TDRD9: variants seen among roughly 807,000 people sequenced by gnomAD.
TDRD9 encodes the protein tudor domain containing 9, also known as ATP-dependent RNA helicase TDRD9.
A neutral mutation model predicts 172.6 loss-of-function variants in TDRD9; 124 were observed. That is an observed-to-expected ratio of 0.72 (90% confidence interval 0.62 to 0.83). The LOEUF is 0.83. Among genes scored for constraint, TDRD9 ranks in the 40% least tolerant of loss-of-function variants. The pLI, the probability that TDRD9 is intolerant of heterozygous loss-of-function variation, is 0.00. For synonymous variants in TDRD9, 619 were observed against 617.1 expected (o/e 1.00, Z -0.05); for missense variants, 1,479 against 1,714.1 (o/e 0.86, Z 2.42).
intron 1 of TDRD9, among the ~76,000 whole-genome samples, chr14:103,929,809 T>G (rs1486604797): frequency 6.6e-6 from 1 of 152,120 alleles, no homozygotes; most frequent in Non-Finnish European, 1.5e-5. Flanking sequence ...CGTGAGCCAC[T>G]GCGCCCGGCC....
At chr14:103,959,154 C>G (rs1204211431) in intron 2 of TDRD9, among the ~76,000 whole-genome samples, 2 of 152,110 alleles carry the variant, frequency 1.3e-5, no homozygotes, top group Admixed American at 6.6e-5. Flanking sequence ...GTGTCTTTGA[C>G]AGAGGATGGC....
chr14:104,023,164 G>A (rs983198453), intron 24 of TDRD9, among the ~76,000 whole-genome samples: 1 of 124,024 alleles, frequency 8.1e-6, no homozygotes, highest in Non-Finnish European at 1.6e-5. Context: ...CACCCTGGGC[G>A]ACAGAGCGAG....
chr14:103,995,420 C>G (rs1420557936), intron 11 of TDRD9, among the ~76,000 whole-genome samples: 1 of 152,194 alleles, frequency 6.6e-6, no homozygotes, highest in Non-Finnish European at 1.5e-5. Flanking sequence ...AACCCTTCTT[C>G]TAGAAACCTG....
chr14:103,966,882 A>G, intron 5 of TDRD9, 51 bp downstream of exon 5: 7 of 1,492,746 alleles, frequency 4.7e-6, no homozygotes, highest in Non-Finnish European at 6.3e-6. Flanking sequence ...TCTTAAAAAA[A>G]CTCTCAGAGT....
At chr14:103,988,817 T>C (rs2033769158) in intron 8 of TDRD9, among the ~76,000 whole-genome samples, 1 of 152,010 alleles carries the variant, frequency 6.6e-6, no homozygotes, top group Non-Finnish European at 1.5e-5. Flanking sequence ...CTCAGCCTTG[T>C]GAGTAGCTGG....
chr14:103,965,383 G>T lies in TDRD9; in HGVS notation c.471G>T (p.Thr157=), dbSNP rs920010348. 6 of 1,551,524 alleles carry T rather than the reference G, an allele frequency of 3.9e-6. No individual in the cohort carries two copies. In the African/African-American group the frequency reaches 8.2e-5, roughly 21 times the overall value. The change falls in exon 4 of 36, where the codon ACG becomes ACT. Residue 157 remains threonine (T), a synonymous_variant. Transcript: ENST00000409874. ...SNSVVIIHGA[T]GSGKSTQLPQ... is the part of the protein sequence containing the mutation. ...CCGTGGTGATTATCCATGGGGCCAC[G>T]GGAAGCGGTAAAAGCACTCAGCTCC...
At chr14:104,025,145 G>C (rs1351847249) in intron 25 of TDRD9, among the ~76,000 whole-genome samples, 1 of 152,206 alleles carries the variant, frequency 6.6e-6, no homozygotes, top group Non-Finnish European at 1.5e-5. Context: ...CCATGCCCGG[G>C]TAATTTTTGT....
At chr14:103,971,849 C>T (rs2033046902) in intron 6 of TDRD9, among the ~76,000 whole-genome samples, 1 of 152,042 alleles carries the variant, frequency 6.6e-6, no homozygotes, top group South Asian at 2.1e-4. Context: ...ATAAGTACCA[C>T]AGTTTAAAGG....
At position 104,004,339 on chromosome 14, in the gene TDRD9, A is replaced by G. The variant is rs983120528; in HGVS notation, c.1581+4A>G. ...TCATGTTGTTCCTGAGATGTTGGTA[A>G]TTCACTTTGGTCATTGTCAAAGTTT... On this transcript the variant is annotated splice_donor_region_variant and intron_variant, in intron 14 of 35. Transcript: ENST00000409874. 4 of 1,497,206 alleles carry G rather than the reference A, an allele frequency of 2.7e-6. No homozygotes were observed. The highest frequency in any genetic ancestry group is 3.7e-6 in the Non-Finnish European group (4 of 1,078,948). 92.7% of individuals were successfully genotyped at this position (1,497,206 alleles called of 1,614,324 possible). A position where few individuals can be genotyped will look rare whatever the true frequency, so the allele number is the denominator to read the frequency against.
At chr14:103,999,219 T>C (rs1303403813) in intron 13 of TDRD9, among the ~76,000 whole-genome samples, 1 of 152,258 alleles carries the variant, frequency 6.6e-6, no homozygotes, top group East Asian at 1.9e-4. Flanking sequence ...AAATCCATGC[T>C]TCTCCTCTCT....
chr14:103,994,699 G>A (rs2033994845), intron 11 of TDRD9, 96 bp downstream of exon 11: 1 of 1,003,848 alleles, frequency 1.0e-6, no homozygotes. Context: ...CGTGGCTCAT[G>A]CGTGTGTTTC....
intron 8 of TDRD9, among the ~76,000 whole-genome samples, chr14:103,988,487 T>G (rs2033755343): frequency 6.6e-6 from 1 of 152,154 alleles, no homozygotes; most frequent in Middle Eastern, 3.4e-3. Context: ...TTAAAATTAG[T>G]CTAACAATCT....
intron 7 of TDRD9, among the ~76,000 whole-genome samples, chr14:103,976,049 C>CA (rs1456952211): frequency 6.6e-6 from 1 of 152,122 alleles, no homozygotes; most frequent in Non-Finnish European, 1.5e-5. Flanking sequence ...CCCCCCTTCC[C>CA]AGCCTCTAGT....
chr14:103,945,760 G>A (rs972002919), intron 1 of TDRD9, among the ~76,000 whole-genome samples: 1 of 152,118 alleles, frequency 6.6e-6, no homozygotes, highest in Non-Finnish European at 1.5e-5. Flanking sequence ...CATAATATAT[G>A]TGTGTCTATG....
At chr14:104,047,644 C>T (rs2035819971) in intron 34 of TDRD9, among the ~76,000 whole-genome samples, 1 of 152,180 alleles carries the variant, frequency 6.6e-6, no homozygotes, top group Admixed American at 6.5e-5. Flanking sequence ...GTGTTAAACG[C>T]GTGCTGACAC....
At chr14:103,944,997 G>A (rs1271599092) in intron 1 of TDRD9, among the ~76,000 whole-genome samples, 5 of 152,196 alleles carry the variant, frequency 3.3e-5, no homozygotes, top group African/African-American at 7.2e-5. Flanking sequence ...CTGGGGTGTA[G>A]CAGTGAACAA....
rs947666359 is a variant in TDRD9 at position 104,020,616 on chromosome 14, G to A, written c.2433-1541G>A. On this transcript the variant is annotated intron_variant, in intron 23 of 35. Transcript: ENST00000409874. ...CATTTATGAGTGAAGAGGATGGGGC[G>A]TGAAGGAGAGCGGAGGAGGCGGAGC... Among the ~76,000 whole-genome samples, 5 of 152,180 alleles carry A rather than the reference G, an allele frequency of 3.3e-5. No individual in the cohort carries two copies. The South Asian group carries it at 6.2e-4, about 19-fold the overall frequency.
intron 2 of TDRD9, among the ~76,000 whole-genome samples, chr14:103,956,270 T>C (rs2032238678): frequency 6.7e-6 from 1 of 150,042 alleles, no homozygotes; most frequent in African/African-American, 2.5e-5. Flanking sequence ...AAACCCCGTC[T>C]CTACTAAAAA....
chr14:103,957,908 A>G (rs1319498153), intron 2 of TDRD9, among the ~76,000 whole-genome samples: 1 of 152,158 alleles, frequency 6.6e-6, no homozygotes, highest in Non-Finnish European at 1.5e-5. Context: ...TTAAGTTCAT[A>G]TGTGAAACTC....
Sources: gnomAD v4.1 joint callset for allele counts (sites outside exome capture counted in the v4.1 genomes callset) on GRCh38, gnomAD v4.1.1 for gene constraint, MANE v1.5 for transcripts, NCBI Gene and HGNC (gene_info 2026-07-23, HGNC 2026-07-21) for gene names.